Variants in IQCK observed in about 807,000 individuals in gnomAD.
IQCK encodes IQ domain-containing protein K.
A neutral mutation model predicts 28.1 loss-of-function variants in IQCK; 29 were observed. The ratio of observed to expected loss-of-function variants is 1.03; its 90% CI spans 0.77 to 1.41. The LOEUF (loss-of-function observed/expected upper bound fraction) is 1.41. Among genes scored for constraint, IQCK ranks in the 40% most tolerant of loss-of-function variants. IQCK has a pLI of 0.00. For synonymous variants in IQCK, 113 were observed against 115.1 expected, an observed-to-expected ratio of 0.98 and a Z score of 0.12; for missense variants, 359 against 314.7, an observed-to-expected ratio of 1.14 and a Z score of -1.07.
At position 19,856,621 on chromosome 16, in the gene IQCK, C is replaced by G. The variant is rs1275717245; in HGVS notation, c.*73C>G. 6 of 1,210,812 alleles carry G rather than the reference C, an allele frequency of 5.0e-6. No individual in the cohort carries two copies. The East Asian group carries it at 7.0e-5, about 14-fold the overall frequency. The allele number at this position is 1,210,812 out of a possible 1,614,324, so 75.0% of individuals were successfully genotyped here. A position where few individuals can be genotyped will look rare whatever the true frequency, so the allele number is the denominator to read the frequency against. On this transcript the variant is annotated 3_prime_UTR_variant, in exon 10 of 10. Transcript: ENST00000320394. ...GCAAGGAAAATGTCCAAATGATGCT[C>G]TCTCTCTTGTGATTTCTTTAACAAG... is the stretch of plus-strand genomic sequence containing the variant.
At chr16:19,836,962 C>T (rs1232586256) in intron 9 of IQCK, among the ~76,000 whole-genome samples, 1 of 152,086 alleles carries the variant, frequency 6.6e-6, no homozygotes, top group Non-Finnish European at 1.5e-5. Context: ...AATACAATGG[C>T]AATACTAATA....
Position 19,778,779 on chromosome 16 carries a change from G to A in IQCK, c.606-10059G>A, listed in dbSNP as rs541294399. 5.3e-5 allele frequency among the ~76,000 whole-genome samples: 8 copies of A among 152,276 alleles called. No individual in the cohort carries two copies. The South Asian group carries it at 8.3e-4, about 16-fold the overall frequency. ...ACACATTTGGTGTCAGAAGTCTTGC[G>A]AGTAGAGAAACAAAGGTTTTTCCTT... On this transcript the variant is annotated intron_variant, in intron 6 of 7. Coordinates refer to ENST00000564186, the Ensembl canonical transcript of IQCK.
At chr16:19,823,802 G>C (rs913727379) in intron 7 of IQCK, among the ~76,000 whole-genome samples, 6 of 152,130 alleles carry the variant, frequency 3.9e-5, no homozygotes, top group Non-Finnish European at 7.4e-5. Flanking sequence ...ATGGGGTGGT[G>C]CATGCCTGTA....
intron 7 of IQCK, among the ~76,000 whole-genome samples, chr16:19,805,388 G>A (rs1222716034): frequency 1.3e-5 from 2 of 152,172 alleles, no homozygotes; most frequent in African/African-American, 4.8e-5. Context: ...GCAAGCAGGT[G>A]CTACAATGAG....
At chr16:19,793,338 C>G in intron 7 of IQCK, among the ~76,000 whole-genome samples, 1 of 31,570 alleles carries the variant, frequency 3.2e-5, no homozygotes, top group Non-Finnish European at 5.1e-5. Flanking sequence ...TTGCAGGATA[C>G]AAGATCAGTA....
chr16:19,811,351 GA>G (rs2055903158), intron 7 of IQCK, among the ~76,000 whole-genome samples: 1 of 152,160 alleles, frequency 6.6e-6, no homozygotes. Context: ...TAAATCATTG[GA>G]AAGTTTATCA....
chr16:19,838,221 T>C (rs2056321294), intron 9 of IQCK, among the ~76,000 whole-genome samples: 1 of 152,182 alleles, frequency 6.6e-6, no homozygotes, highest in Admixed American at 6.5e-5. Flanking sequence ...AGATGGTGAA[T>C]GTTCTGCCCA....
At position 19,785,647 on chromosome 16, in the gene IQCK, AACTTC is replaced by A. The variant is rs563768763; in HGVS notation, c.606-3184_606-3180del. Among the ~76,000 whole-genome samples the A allele has an allele frequency of 2.2e-3, 342 of 152,242 alleles. 6 individuals carry two copies. The highest frequency in any genetic ancestry group is 1.1e-3 in the Non-Finnish European group (73 of 68,006). ...GAAGTCTTTGTTTGCATAACTTTAT[AACTTC>A]ACTTCAGCCTCTGGTTGGCTGCTTT... On this transcript the variant is annotated intron_variant, in intron 6 of 7. Coordinates refer to ENST00000564186, the Ensembl canonical transcript of IQCK.
chr16:19,775,342 A>G (rs1390192678), intron 6 of IQCK, among the ~76,000 whole-genome samples: 1 of 152,058 alleles, frequency 6.6e-6, no homozygotes, highest in Non-Finnish European at 1.5e-5. Context: ...AGTTGTTTTC[A>G]ATTTTGGGTA....
downstream of IQCK, among the ~76,000 whole-genome samples, chr16:19,831,034 G>A (rs2141097588): frequency 6.6e-6 from 1 of 152,270 alleles, no homozygotes; most frequent in South Asian, 2.1e-4. Context: ...CATATTTAGG[G>A]GATGAAGCTC....
At chr16:19,815,872 C>G (rs1380026656) in intron 7 of IQCK, among the ~76,000 whole-genome samples, 3 of 152,132 alleles carry the variant, frequency 2.0e-5, no homozygotes, top group African/African-American at 7.2e-5. Context: ...ATTTTGCAAA[C>G]ATATACTTCC....
intron 4 of IQCK, among the ~76,000 whole-genome samples, chr16:19,740,489 T>A (rs776075472): frequency 2.6e-5 from 4 of 152,150 alleles, no homozygotes; most frequent in Non-Finnish European, 5.9e-5. Context: ...CTGCCTTCTG[T>A]TCTGCTGCTA....
intron 2 of IQCK, 35 bp downstream of exon 2, chr16:19,730,529 G>A (rs1977800016): frequency 6.7e-7 from 1 of 1,490,442 alleles, no homozygotes; most frequent in East Asian, 2.3e-5. Flanking sequence ...GAAGCAAGAA[G>A]CTCTTAAATG....
rs534289309 is a variant in IQCK, at chr16:19,731,063, C to G, written c.246+569C>G. Among the ~76,000 whole-genome samples, 29 of 152,288 alleles carry G rather than the reference C, an allele frequency of 1.9e-4. 1 individual carries two copies. Among genetic ancestry groups the G allele is most frequent in the Middle Eastern group, 3.4e-3 (1 of 294 alleles). ...ATTAAATGGGACAGATAATGCTTGA[C>G]TAACTCACAGGGCTTCTGTGGGGCT... On this transcript the variant is annotated intron_variant, in intron 2 of 7. Transcript: ENST00000564186.
At chr16:19,731,945 T>G (rs1977853766) in intron 2 of IQCK, among the ~76,000 whole-genome samples, 1 of 152,196 alleles carries the variant, frequency 6.6e-6, no homozygotes, top group South Asian at 2.1e-4. Flanking sequence ...CTAGCTGGAC[T>G]TAATTAGCCT....
intron 6 of IQCK, among the ~76,000 whole-genome samples, chr16:19,782,625 C>CA (rs1003492479): frequency 6.6e-6 from 1 of 150,458 alleles, no homozygotes; most frequent in Non-Finnish European, 1.5e-5. Context: ...AAGACCCTGT[C>CA]AAAAAAAGAA....
chr16:19,740,584 C>T (rs56192546), intron 4 of IQCK, among the ~76,000 whole-genome samples: 4,410 of 152,240 alleles, frequency 0.029, 101 homozygotes, highest in Non-Finnish European at 0.043. Context: ...ATATTGAGTG[C>T]ACTGTGTCTT....
chr16:19,744,287 T>G (rs1343153707), intron 4 of IQCK, among the ~76,000 whole-genome samples: 1 of 152,222 alleles, frequency 6.6e-6, no homozygotes, highest in African/African-American at 2.4e-5. Context: ...TTTTTTCATT[T>G]TAAAAATTAT....
intron 6 of IQCK, among the ~76,000 whole-genome samples, chr16:19,770,069 A>G (rs756946567): frequency 2.0e-5 from 3 of 152,176 alleles, no homozygotes; most frequent in Non-Finnish European, 4.4e-5. Flanking sequence ...CTTCTAGGAT[A>G]TCCATGCCAG....
Sources: allele counts gnomAD v4.1 joint callset (sites outside exome capture counted in the v4.1 genomes callset), GRCh38; gene constraint gnomAD v4.1.1; transcripts MANE v1.5; gene names NCBI Gene and HGNC (gene_info 2026-07-23, HGNC 2026-07-21).